Variants in AP3S1 observed in about 807,000 individuals in gnomAD.
AP3S1 encodes the protein AP-3 complex subunit sigma-1.
AP3S1 carries 12 observed loss-of-function variants against 21.3 expected under a neutral mutation model. The observed-to-expected ratio is 0.56, with a 90% CI of 0.36 to 0.91. The LOEUF (loss-of-function observed/expected upper bound fraction) is 0.91. Among genes scored for constraint, AP3S1 ranks in the 40% least tolerant of loss-of-function variants. AP3S1 has a pLI of 0.01. For synonymous variants in AP3S1, 48 were observed against 78.4 expected, an observed-to-expected ratio of 0.61 and a Z score of 2.05; for missense variants, 116 against 225.0, an observed-to-expected ratio of 0.52 and a Z score of 3.10.
chr5:115,888,008 A>G (rs1749950198), intron 3 of AP3S1, among the ~76,000 whole-genome samples: 1 of 152,092 alleles, frequency 6.6e-6, no homozygotes, highest in Non-Finnish European at 1.5e-5. Flanking sequence ...AATACTAGGT[A>G]ATTAAAATGC....
At chr5:115,911,793 G>C (rs978532673) in intron 5 of AP3S1, among the ~76,000 whole-genome samples, 1 of 151,654 alleles carries the variant, frequency 6.6e-6, no homozygotes, top group South Asian at 2.1e-4. Flanking sequence ...GGAGCAGGAA[G>C]GAAGGGGGGG....
rs192816824 is a variant in AP3S1, at chr5:115,845,885, G to A, written c.69+3779G>A. Among the ~76,000 whole-genome samples the A allele has an allele frequency of 3.4e-3, 433 of 127,286 alleles. 1 individual carries two copies. The highest frequency in any genetic ancestry group is 5.6e-3 in the South Asian group (21 of 3,766). The allele number at this position is 127,286 out of a possible 152,430, so 83.5% of individuals were successfully genotyped here. On this transcript the variant is annotated intron_variant, in intron 1 of 5. Transcript: ENST00000316788. ...AAAAAAAAAAAAAAATTCAAGTCTG[G>A]ACTCAAAATGCATCCCTTTTCGTTT...
At chr5:115,883,291 C>T (rs775731846) in intron 3 of AP3S1, among the ~76,000 whole-genome samples, 7 of 152,196 alleles carry the variant, frequency 4.6e-5, no homozygotes, top group South Asian at 2.1e-4. Context: ...TCTGCCCAAA[C>T]GGCCACCCAG....
At chr5:115,851,135 A>G (rs756085072) in intron 1 of AP3S1, among the ~76,000 whole-genome samples, 3 of 152,202 alleles carry the variant, frequency 2.0e-5, no homozygotes, top group Non-Finnish European at 4.4e-5. Flanking sequence ...TTGCTGTCAC[A>G]TTTTAATGCC....
At chr5:115,901,750 T>G (rs369966764) in intron 4 of AP3S1, among the ~76,000 whole-genome samples, 1 of 152,056 alleles carries the variant, frequency 6.6e-6, no homozygotes, top group South Asian at 2.1e-4. Flanking sequence ...AAGGCAGGGT[T>G]TTGCCATATT....
At chr5:115,912,174 A>G (rs1160988319) in intron 5 of AP3S1, 1 of 151,948 alleles carries the variant, frequency 6.6e-6, no homozygotes, top group Non-Finnish European at 1.5e-5. Flanking sequence ...TAATTAACAA[A>G]GGTAGGATTA....
intron 1 of AP3S1, among the ~76,000 whole-genome samples, chr5:115,854,908 G>A (rs1762688577): frequency 6.6e-6 from 1 of 151,924 alleles, no homozygotes; most frequent in African/African-American, 2.4e-5. Flanking sequence ...ACTTCTTACA[G>A]TATGTTATTT....
At chr5:115,862,926 GCCCAGTATTCAATGAAT>G (rs1444814104) in intron 1 of AP3S1, among the ~76,000 whole-genome samples, 1 of 152,154 alleles carries the variant, frequency 6.6e-6, no homozygotes, top group Non-Finnish European at 1.5e-5. Context: ...GGCTGTGGTT[GCCCAGTATTCAATGAAT>G]CCAGCAAAAG....
At chr5:115,895,212 T>C in intron 4 of AP3S1, 54 bp downstream of exon 4, 1 of 1,228,174 alleles carries the variant, frequency 8.1e-7, no homozygotes. Flanking sequence ...TAACTTATAA[T>C]TGTCATAGCA....
chr5:115,853,040 G>T, intron 1 of AP3S1: 1 of 454,566 alleles, frequency 2.2e-6, no homozygotes, highest in South Asian at 1.6e-5. Context: ...ATTATTTGAA[G>T]AAATGCCAGA....
chr5:115,883,139 A>G (rs1164833057), intron 3 of AP3S1, among the ~76,000 whole-genome samples: 1 of 152,194 alleles, frequency 6.6e-6, no homozygotes, highest in Admixed American at 6.5e-5. Context: ...GCTGGGCTCC[A>G]TGGCGGTGGG....
chr5:115,863,579 GA>G (rs1334013531), intron 1 of AP3S1, among the ~76,000 whole-genome samples: 5 of 151,920 alleles, frequency 3.3e-5, no homozygotes, highest in Middle Eastern at 3.4e-3. Context: ...TCAAAAAAAA[GA>G]AAAGAAAAAG....
intron 4 of AP3S1, among the ~76,000 whole-genome samples, chr5:115,900,281 C>A (rs1751100804): frequency 6.6e-6 from 1 of 152,036 alleles, no homozygotes; most frequent in Non-Finnish European, 1.5e-5. Context: ...TTTTTAGTAT[C>A]CTATGGCATA....
intron 3 of AP3S1, among the ~76,000 whole-genome samples, chr5:115,873,179 C>G (rs1246983276): frequency 6.6e-6 from 1 of 152,128 alleles, no homozygotes; most frequent in African/African-American, 2.4e-5. Context: ...TGTTGATCTT[C>G]TTATGAGAAA....
At chr5:115,878,477 T>C (rs1221494423) in intron 3 of AP3S1, among the ~76,000 whole-genome samples, 1 of 152,238 alleles carries the variant, frequency 6.6e-6, no homozygotes, top group East Asian at 1.9e-4. Flanking sequence ...TTCTTGTTTT[T>C]GTCAGATTTA....
intron 3 of AP3S1, among the ~76,000 whole-genome samples, chr5:115,885,765 A>G (rs998164900): frequency 2.6e-5 from 4 of 152,182 alleles, no homozygotes; most frequent in African/African-American, 9.7e-5. Context: ...TACTTTTGTT[A>G]ATTTATTTTG....
chr5:115,854,968 T>G (rs1032679365), intron 1 of AP3S1, among the ~76,000 whole-genome samples: 2 of 152,020 alleles, frequency 1.3e-5, no homozygotes, highest in African/African-American at 2.4e-5. Flanking sequence ...TATAAAGTTA[T>G]TTTCTATATA....
intron 3 of AP3S1, among the ~76,000 whole-genome samples, chr5:115,878,443 A>G (rs1447916297): frequency 2.8e-5 from 4 of 140,544 alleles, no homozygotes; most frequent in South Asian, 4.4e-4. Flanking sequence ...CCCAACATCT[A>G]TTAAACAGGG....
chr5:115,847,741 C>T (rs909925106), intron 1 of AP3S1, among the ~76,000 whole-genome samples: 42 of 150,138 alleles, frequency 2.8e-4, no homozygotes, highest in African/African-American at 9.7e-4. Flanking sequence ...ATCAAGCTAA[C>T]TAACATGTCT....
Sources: gnomAD v4.1 joint callset for allele counts (sites outside exome capture counted in the v4.1 genomes callset) on GRCh38, gnomAD v4.1.1 for gene constraint, MANE v1.5 for transcripts, NCBI Gene and HGNC (gene_info 2026-07-23, HGNC 2026-07-21) for gene names.